The following KCNN2 variants were observed in gnomAD, a reference collection of about 807,000 sequenced individuals.
KCNN2 encodes the protein small conductance calcium-activated potassium channel protein 2.
Under a neutral mutation model 55.5 loss-of-function variants are expected in KCNN2, and 24 were observed. That is an observed-to-expected ratio of 0.43 (90% CI 0.31 to 0.61). KCNN2 has a LOEUF of 0.61. Among genes scored for constraint, KCNN2 ranks in the 20% least tolerant of loss-of-function variants. The pLI is 0.08. For synonymous variants in KCNN2, 431 were observed against 336.1 expected (o/e 1.28, Z -3.09); for missense variants, 754 against 853.6 (o/e 0.88, Z 1.45).
intron 3 of KCNN2, among the ~76,000 whole-genome samples, chr5:114,410,241 T>C (rs1759088538): frequency 6.6e-6 from 1 of 152,186 alleles, no homozygotes; most frequent in Non-Finnish European, 1.5e-5. Flanking sequence ...TCCTGACTTG[T>C]ACCTTTTGAG....
chr5:114,150,627 G>C (rs1367235447), intron 1 of KCNN2, among the ~76,000 whole-genome samples: 1 of 152,114 alleles, frequency 6.6e-6, no homozygotes, highest in East Asian at 1.9e-4. Context: ...TCAGGAATCA[G>C]ACCCGTCTTT....
chr5:114,329,155 A>G (rs1270703360), intron 2 of KCNN2, among the ~76,000 whole-genome samples: 1 of 152,150 alleles, frequency 6.6e-6, no homozygotes, highest in African/African-American at 2.4e-5. Context: ...TTATCCTTGA[A>G]TGGCCTTGGT....
At chr5:114,388,427 T>C (rs1203418848) in intron 2 of KCNN2, among the ~76,000 whole-genome samples, 2 of 152,204 alleles carry the variant, frequency 1.3e-5, no homozygotes, top group Non-Finnish European at 2.9e-5. Flanking sequence ...AGTGTAACAA[T>C]CTTTGGAGGC....
chr5:114,389,305 G>A (rs1758390142), intron 2 of KCNN2, among the ~76,000 whole-genome samples: 1 of 152,084 alleles, frequency 6.6e-6, no homozygotes, highest in Non-Finnish European at 1.5e-5. Flanking sequence ...CATTGGCATT[G>A]TCTCTGTGTC....
intron 2 of KCNN2, among the ~76,000 whole-genome samples, chr5:114,401,043 C>A (rs531406061): frequency 6.1e-5 from 9 of 148,230 alleles, no homozygotes. Context: ...CTCTGTTCAT[C>A]ATAAATGCTG....
At chr5:114,314,430 C>T (rs1268247703) in intron 2 of KCNN2, among the ~76,000 whole-genome samples, 1 of 152,024 alleles carries the variant, frequency 6.6e-6, no homozygotes, top group Non-Finnish European at 1.5e-5. Flanking sequence ...ATTGCAGTGT[C>T]ATACAGTTTT....
intron 3 of KCNN2, among the ~76,000 whole-genome samples, chr5:114,405,247 G>C (rs1011234159): frequency 1.1e-4 from 17 of 152,154 alleles, no homozygotes; most frequent in African/African-American, 3.9e-4. Flanking sequence ...AAACAGTGTT[G>C]ATGCAAAATG....
chr5:114,160,932 C>G (rs953127310), intron 1 of KCNN2, among the ~76,000 whole-genome samples: 39 of 152,232 alleles, frequency 2.6e-4, no homozygotes, highest in African/African-American at 7.9e-4. Context: ...GAATACAGCA[C>G]ACTGATGGGT....
At chr5:114,233,295 A>G (rs898184332) in intron 2 of KCNN2, among the ~76,000 whole-genome samples, 1 of 151,624 alleles carries the variant, frequency 6.6e-6, no homozygotes, top group African/African-American at 2.4e-5. Context: ...TGCTTGCAAC[A>G]CTCCTTTTAT....
chr5:114,401,446 G>A (rs1758784525), intron 2 of KCNN2, among the ~76,000 whole-genome samples: 1 of 152,098 alleles, frequency 6.6e-6, no homozygotes, highest in South Asian at 2.1e-4. Flanking sequence ...CCAGTGATTA[G>A]GATAGTCACT....
intron 1 of KCNN2, among the ~76,000 whole-genome samples, chr5:114,105,438 C>A (rs1036824719): frequency 6.6e-6 from 1 of 151,978 alleles, no homozygotes; most frequent in Non-Finnish European, 1.5e-5. Flanking sequence ...GGTATTCTTC[C>A]TGTTAGTAGT....
chr5:114,288,686 C>G (rs1222326906), intron 2 of KCNN2, among the ~76,000 whole-genome samples: 4 of 152,124 alleles, frequency 2.6e-5, no homozygotes, highest in Non-Finnish European at 5.9e-5. Context: ...AATGTCTACT[C>G]AAGCCCTTAG....
At chr5:114,145,990 G>T (rs1210761895) in intron 1 of KCNN2, among the ~76,000 whole-genome samples, 1 of 151,956 alleles carries the variant, frequency 6.6e-6, no homozygotes, top group Non-Finnish European at 1.5e-5. Context: ...CTGTCTCGTT[G>T]TTGCATGCAT....
At chr5:114,379,132 A>G (rs191674722) in intron 2 of KCNN2, among the ~76,000 whole-genome samples, 124 of 152,004 alleles carry the variant, frequency 8.2e-4, no homozygotes, top group African/African-American at 2.8e-3. Context: ...AGTGCTTGTC[A>G]TTCCTCTTAG....
chr5:114,454,090 C>T (rs533350561), intron 3 of KCNN2, among the ~76,000 whole-genome samples: 46 of 152,124 alleles, frequency 3.0e-4, no homozygotes, highest in African/African-American at 1.0e-3. Context: ...TTTCTGTTCC[C>T]GTGTTAGTTT....
At chr5:114,142,687 T>G (rs992818663) in intron 1 of KCNN2, among the ~76,000 whole-genome samples, 1 of 152,114 alleles carries the variant, frequency 6.6e-6, no homozygotes, top group African/African-American at 2.4e-5. Flanking sequence ...CAAGGAGAAC[T>G]ACAAACCACT....
At chr5:114,080,932 C>T (rs1394457460) in intron 1 of KCNN2, among the ~76,000 whole-genome samples, 1 of 151,984 alleles carries the variant, frequency 6.6e-6, no homozygotes, top group Non-Finnish European at 1.5e-5. Flanking sequence ...TTAGAAAACC[C>T]TAAAGATTCC....
At chr5:114,427,396 C>T (rs1414037210) in intron 3 of KCNN2, among the ~76,000 whole-genome samples, 2 of 152,242 alleles carry the variant, frequency 1.3e-5, no homozygotes, top group African/African-American at 2.4e-5. Flanking sequence ...GGACTGGCCC[C>T]TGTGGGGACA....
chr5:114,365,831 C>G (rs1189263647), intron 2 of KCNN2, among the ~76,000 whole-genome samples: 1 of 146,226 alleles, frequency 6.8e-6, no homozygotes, highest in Non-Finnish European at 1.5e-5. Context: ...CTTAATGATT[C>G]TGAAATGAGA....
Sources: gnomAD v4.1 joint callset for allele counts (sites outside exome capture counted in the v4.1 genomes callset) on GRCh38, gnomAD v4.1.1 for gene constraint, MANE v1.5 for transcripts, NCBI Gene and HGNC (gene_info 2026-07-23, HGNC 2026-07-21) for gene names.